SLC16A12: variants seen among roughly 807,000 people sequenced by gnomAD.
SLC16A12 encodes the protein solute carrier family 16 member 12.
SLC16A12 carries 17 observed loss-of-function variants against 42.4 expected under a neutral mutation model. The observed-to-expected ratio is 0.40, with a 90% confidence interval of 0.27 to 0.60. The LOEUF (loss-of-function observed/expected upper bound fraction) is 0.60, where lower values mean the gene tolerates loss of function less well. Among genes scored for constraint, SLC16A12 ranks in the 20% least tolerant of loss-of-function variants. SLC16A12 has a pLI of 0.42. For synonymous variants in SLC16A12, 224 were observed against 229.4 expected (o/e 0.98, Z 0.21); for missense variants, 544 against 623.0 (o/e 0.87, Z 1.35).
At chr10:89,508,831 G>C (rs1312800474) in intron 2 of SLC16A12, among the ~76,000 whole-genome samples, 1 of 152,102 alleles carries the variant, frequency 6.6e-6, no homozygotes, top group Non-Finnish European at 1.5e-5. Context: ...TAGACTGCTA[G>C]CCAGACTAAT....
chr10:89,441,665 T>G (rs1165661221), intron 4 of SLC16A12, among the ~76,000 whole-genome samples: 2 of 152,226 alleles, frequency 1.3e-5, no homozygotes, highest in Non-Finnish European at 2.9e-5. Context: ...TAACACCATG[T>G]GACCAGCAGG....
chr10:89,515,165 C>T (rs1326928023), intron 2 of SLC16A12, among the ~76,000 whole-genome samples: 1 of 152,004 alleles, frequency 6.6e-6, no homozygotes, highest in East Asian at 1.9e-4. Flanking sequence ...CTGTTAGGTA[C>T]TGGGGAGCAA....
At chr10:89,508,194 C>A (rs1843099017) in intron 2 of SLC16A12, among the ~76,000 whole-genome samples, 1 of 152,112 alleles carries the variant, frequency 6.6e-6, no homozygotes, top group Non-Finnish European at 1.5e-5. Context: ...CAAGGATATC[C>A]AGGACTTAAA....
At chr10:89,535,956 G>A (rs991476025), upstream of SLC16A12, among the ~76,000 whole-genome samples, 10 of 152,270 alleles carry the variant, frequency 6.6e-5, no homozygotes, top group African/African-American at 2.2e-4. Flanking sequence ...AGCTCCGCCG[G>A]GGACTCTGCC....
At chr10:89,547,613 TAAG>T (rs1290691695) in intron 2 of SLC16A12, among the ~76,000 whole-genome samples, 1 of 152,096 alleles carries the variant, frequency 6.6e-6, no homozygotes, top group East Asian at 1.9e-4. Context: ...AACCTTATAA[TAAG>T]AAAAGGTATG....
intron 2 of SLC16A12, among the ~76,000 whole-genome samples, chr10:89,498,608 C>T (rs1037367470): frequency 9.2e-5 from 14 of 152,146 alleles, no homozygotes; most frequent in African/African-American, 3.1e-4. Flanking sequence ...AGCTCCGACT[C>T]GGGCAGACAG....
At chr10:89,475,986 C>T (rs148905043) in intron 2 of SLC16A12, among the ~76,000 whole-genome samples, 2 of 152,308 alleles carry the variant, frequency 1.3e-5, no homozygotes, top group Non-Finnish European at 2.9e-5. Flanking sequence ...CAATTCATAA[C>T]CAGAAGCTTG....
chr10:89,508,768 A>G (rs1288467250), intron 2 of SLC16A12, among the ~76,000 whole-genome samples: 1 of 152,052 alleles, frequency 6.6e-6, no homozygotes, highest in African/African-American at 2.4e-5. Context: ...AAAACCCTTC[A>G]AAAAAAATCA....
At chr10:89,482,092 ATAAT>A (rs778358967) in intron 2 of SLC16A12, among the ~76,000 whole-genome samples, 77 of 152,298 alleles carry the variant, frequency 5.1e-4, no homozygotes, top group Middle Eastern at 3.4e-3. Flanking sequence ...ATTTCGAAAA[ATAAT>A]TAATCATCTA....
chr10:89,470,027 A>C (rs1165209015), intron 2 of SLC16A12, among the ~76,000 whole-genome samples: 1 of 152,150 alleles, frequency 6.6e-6, no homozygotes, highest in African/African-American at 2.4e-5. Context: ...TTTTTAAGAA[A>C]TCTTCTGGTG....
At chr10:89,517,693 G>A (rs1156516024) in intron 2 of SLC16A12, among the ~76,000 whole-genome samples, 1 of 152,124 alleles carries the variant, frequency 6.6e-6, no homozygotes, top group Non-Finnish European at 1.5e-5. Context: ...TAATGAAACA[G>A]GGGCGGTTGG....
intron 2 of SLC16A12, among the ~76,000 whole-genome samples, chr10:89,484,752 C>T (rs561218924): frequency 2.0e-5 from 3 of 152,284 alleles, no homozygotes; most frequent in South Asian, 4.1e-4. Flanking sequence ...GAAGGCATTG[C>T]TTCCTTAAAA....
chr10:89,535,848 G>A (rs1352453589), upstream of SLC16A12, among the ~76,000 whole-genome samples: 1 of 152,206 alleles, frequency 6.6e-6, no homozygotes, highest in East Asian at 1.9e-4. Context: ...GGCGAGGCTG[G>A]GGCCGGGGGC....
rs138650495 is a variant in SLC16A12 at position 89,524,583 on chromosome 10, A to G, written c.-47+9918T>C. ...GGTTTGACCAACCTCAGCAACGTTA[A>G]GTGCCTCTGGCTCTGCACGTCCATA... On this transcript the variant is annotated intron_variant, in intron 2 of 7. Transcript: ENST00000371790. Among the ~76,000 whole-genome samples the G allele has an allele frequency of 8.1e-3, 1,230 of 152,332 alleles. 21 individuals carry two copies. The highest frequency in any genetic ancestry group is 0.027 in the African/African-American group (1,121 of 41,570).
At position 89,431,003 on chromosome 10, in the gene SLC16A12, A is replaced by T; in HGVS notation, c.*2061T>A. On this transcript the variant is annotated 3_prime_UTR_variant, in exon 8 of 8. Coordinates refer to ENST00000371790, the MANE Select transcript of SLC16A12 (RefSeq NM_213606.4). ...TTTGACATTTTACAGATACCTTCCAATTTTTTTTTTTTGAGATGGAGTCTT... is the reference window on the plus strand; with the variant it reads ...TTTGACATTTTACAGATACCTTCCATTTTTTTTTTTTTGAGATGGAGTCTT... 5 of 254,864 alleles carry T rather than the reference A, an allele frequency of 2.0e-5. No individual in the cohort carries two copies. The highest frequency in any genetic ancestry group is 5.4e-5 in the Admixed American group (1 of 18,370). 15.8% of individuals were successfully genotyped at this position (254,864 alleles called of 1,614,324 possible).
At chr10:89,462,262 C>T (rs1842312985) in intron 3 of SLC16A12, 117 bp downstream of exon 3, 1 of 1,413,422 alleles carries the variant, frequency 7.1e-7, no homozygotes, top group Non-Finnish European at 9.7e-7. Flanking sequence ...AATACACACA[C>T]ACCACATGAA....
chr10:89,440,544 A>C (rs933106731), intron 5 of SLC16A12, among the ~76,000 whole-genome samples: 2 of 152,174 alleles, frequency 1.3e-5, no homozygotes, highest in Admixed American at 1.3e-4. Context: ...CCACAATCCT[A>C]TGCAGTCTCT....
intron 2 of SLC16A12, among the ~76,000 whole-genome samples, chr10:89,492,814 C>T (rs759571790): frequency 1.3e-5 from 2 of 151,978 alleles, no homozygotes; most frequent in Non-Finnish European, 2.9e-5. Flanking sequence ...TCATCTCCTG[C>T]CTTTGTCTAC....
chr10:89,543,869 C>T (rs565122105), intron 2 of SLC16A12, among the ~76,000 whole-genome samples: 1 of 152,170 alleles, frequency 6.6e-6, no homozygotes, highest in African/African-American at 2.4e-5. Flanking sequence ...GTGCTTAGCA[C>T]AATAGCTGAA....
Sources: gnomAD v4.1 joint callset for allele counts (sites outside exome capture counted in the v4.1 genomes callset) on GRCh38, gnomAD v4.1.1 for gene constraint, MANE v1.5 for transcripts, NCBI Gene and HGNC (gene_info 2026-07-23, HGNC 2026-07-21) for gene names.